Variants in TTLL5 observed in about 807,000 individuals in gnomAD.
The protein encoded by TTLL5 is tubulin polyglutamylase TTLL5.
TTLL5 carries 132 observed loss-of-function variants against 168.4 expected under a neutral mutation model. The ratio of observed to expected loss-of-function variants is 0.78; its 90% confidence interval spans 0.68 to 0.91. The LOEUF is 0.91. TTLL5 is among the 40% of genes least tolerant of loss of function. The pLI, the probability that TTLL5 is intolerant of heterozygous loss-of-function variation, is 0.00. For synonymous variants in TTLL5, 546 were observed against 558.6 expected (o/e 0.98, Z 0.32); for missense variants, 1,545 against 1,581.5 (o/e 0.98, Z 0.39).
At chr14:75,867,400 C>T (rs895697892) in intron 29 of TTLL5, among the ~76,000 whole-genome samples, 19 of 152,100 alleles carry the variant, frequency 1.2e-4, no homozygotes, top group African/African-American at 4.6e-4. Context: ...TAATAATAGC[C>T]ACCACTTAAG....
intron 6 of TTLL5, among the ~76,000 whole-genome samples, chr14:75,691,767 C>T (rs923692090): frequency 3.3e-5 from 5 of 152,180 alleles, no homozygotes; most frequent in East Asian, 1.9e-4. Flanking sequence ...TATGGATAGA[C>T]GAAGTAGCAT....
intron 28 of TTLL5, among the ~76,000 whole-genome samples, chr14:75,862,755 A>G (rs1256684297): frequency 6.6e-6 from 1 of 152,032 alleles, no homozygotes; most frequent in Non-Finnish European, 1.5e-5. Flanking sequence ...AGTCAGGGCA[A>G]CATGGTTAAA....
chr14:75,699,127 A>C (rs1886078618), intron 6 of TTLL5, 61 bp from the exon 7 acceptor site: 10 of 1,464,006 alleles, frequency 6.8e-6, no homozygotes, highest in African/African-American at 1.4e-5. Context: ...TGATATAATA[A>C]ACTCAAGTTC....
chr14:75,941,232 A>G (rs983204316), intron 31 of TTLL5, among the ~76,000 whole-genome samples: 9 of 152,186 alleles, frequency 5.9e-5, no homozygotes, highest in African/African-American at 2.2e-4. Context: ...CGCCTTTGTG[A>G]CAACCCAGGC....
intron 31 of TTLL5, among the ~76,000 whole-genome samples, chr14:75,907,731 G>A (rs2033201548): frequency 6.6e-6 from 1 of 152,210 alleles, no homozygotes; most frequent in Non-Finnish European, 1.5e-5. Flanking sequence ...AACAACCAGA[G>A]TTCTTTTGGT....
rs1891925843 is a variant in TTLL5, at chr14:75,779,619, A to G, written c.2432A>G (p.Asn811Ser). ...GTGTTGACTTTTTATACCCAAAAGA[A>G]CAAGTCTGCTAGTGTCTTCCTGGGG... is the stretch of plus-strand genomic sequence containing the variant. The part of the protein sequence containing the change: ...EEVLTFYTQK[N>S]KSASVFLGTH... The change falls in exon 24 of 32, where the codon AAC (asparagine) becomes AGC (serine). Residue 811 changes from asparagine (N) to serine (S), a missense_variant. Physicochemically the swap from Asn to Ser is conservative, Grantham distance 46. Coordinates refer to ENST00000298832, the MANE Select transcript of TTLL5 (RefSeq NM_015072.5). The G allele has an allele frequency of 1.2e-6, 2 of 1,613,870 alleles. No individual in the cohort carries two copies. Among genetic ancestry groups the G allele is most frequent in the African/African-American group, 1.3e-5 (1 of 75,046 alleles).
intron 12 of TTLL5, among the ~76,000 whole-genome samples, chr14:75,731,888 G>A (rs1465829175): frequency 6.6e-6 from 1 of 152,118 alleles, no homozygotes; most frequent in Non-Finnish European, 1.5e-5. Context: ...AATGCCTTCA[G>A]GAGATGTTTC....
At position 75,863,856 on chromosome 14, in the gene TTLL5, G is replaced by A. The variant is rs774880529; in HGVS notation, c.3516G>A (p.Arg1172=). The A allele has an allele frequency of 1.4e-6, 2 of 1,462,214 alleles. No individual in the cohort carries two copies. Among genetic ancestry groups the A allele is most frequent in the South Asian group, 1.1e-5 (1 of 87,872 alleles). The allele number at this position is 1,462,214 out of a possible 1,614,324, so 90.6% of individuals were successfully genotyped here. A position where few individuals can be genotyped will look rare whatever the true frequency, so the allele number is the denominator to read the frequency against. ...AGCTCCTGGACCAGAGTCGAGCCCG[G>A]CACCAGGTAATTCAAGATAAGTCTT... ...SRQLLDQSRA[R]HQAIFGSQTL... is the part of the protein sequence containing the mutation. The change falls in exon 29 of 32, where the codon CGG becomes CGA. Residue 1172 remains arginine (R), a synonymous_variant. Transcript: ENST00000298832.
chr14:75,769,312 G>C (rs560007789), intron 20 of TTLL5, among the ~76,000 whole-genome samples: 1 of 152,226 alleles, frequency 6.6e-6, no homozygotes, highest in East Asian at 1.9e-4. Context: ...CACAGCCAGG[G>C]TTCAAAACTC....
intron 3 of TTLL5, among the ~76,000 whole-genome samples, chr14:75,671,344 A>T (rs375194153): frequency 2.0e-5 from 3 of 152,302 alleles, no homozygotes; most frequent in African/African-American, 7.2e-5. Context: ...AAGTCCTCTA[A>T]TATAGTTCTT....
chr14:75,822,273 G>A (rs909406893), intron 28 of TTLL5, among the ~76,000 whole-genome samples: 2 of 152,176 alleles, frequency 1.3e-5, no homozygotes, highest in Non-Finnish European at 2.9e-5. Context: ...GTAGCTTAGA[G>A]ATCTGAGTTT....
chr14:75,787,493 T>C lies in TTLL5; in HGVS notation c.2986+3963T>C, dbSNP rs147700043. 4.5e-3 allele frequency among the ~76,000 whole-genome samples: 683 copies of C among 152,264 alleles called. 8 individuals are homozygous for C. The highest frequency in any genetic ancestry group is 6.2e-3 in the Non-Finnish European group (419 of 68,014). On this transcript the variant is annotated intron_variant, in intron 26 of 31. Coordinates refer to ENST00000298832, the MANE Select transcript of TTLL5 (RefSeq NM_015072.5). ...AGTGTCTGCACCTCATAAAATAGCC[T>C]CCAAATATGTAACACAAAAATGGAA...
intron 28 of TTLL5, among the ~76,000 whole-genome samples, chr14:75,858,568 T>A (rs773901005): frequency 1.3e-5 from 2 of 152,180 alleles, no homozygotes; most frequent in Non-Finnish European, 2.9e-5. Context: ...GTTATTTGGA[T>A]TTGGATATTT....
chr14:75,832,588 G>T (rs1187186765), intron 28 of TTLL5, among the ~76,000 whole-genome samples: 1 of 152,174 alleles, frequency 6.6e-6, no homozygotes, highest in Non-Finnish European at 1.5e-5. Context: ...GGATTGTCAT[G>T]GGAATTCGAT....
At chr14:75,948,784 G>A (rs2034859843) in intron 31 of TTLL5, among the ~76,000 whole-genome samples, 1 of 152,166 alleles carries the variant, frequency 6.6e-6, no homozygotes, top group African/African-American at 2.4e-5. Context: ...CAGATTGTAG[G>A]AAGATACTGT....
At chr14:75,738,131 A>T (rs979053867) in intron 15 of TTLL5, among the ~76,000 whole-genome samples, 3 of 152,222 alleles carry the variant, frequency 2.0e-5, no homozygotes, top group Non-Finnish European at 4.4e-5. Flanking sequence ...TACCTTTGAA[A>T]TACAAACATC....
At chr14:75,716,386 G>C (rs1887462796) in intron 9 of TTLL5, among the ~76,000 whole-genome samples, 1 of 151,918 alleles carries the variant, frequency 6.6e-6, no homozygotes, top group South Asian at 2.1e-4. Context: ...TTTGGGTTTG[G>C]GGTTTTTTTT....
At chr14:75,675,519 C>G (rs989503594) in intron 3 of TTLL5, among the ~76,000 whole-genome samples, 1 of 152,148 alleles carries the variant, frequency 6.6e-6, no homozygotes, top group Non-Finnish European at 1.5e-5. Flanking sequence ...AGAGGAAATT[C>G]TGTGGTCTCT....
At chr14:75,831,521 C>T (rs990757511) in intron 28 of TTLL5, among the ~76,000 whole-genome samples, 1 of 152,184 alleles carries the variant, frequency 6.6e-6, no homozygotes, top group African/African-American at 2.4e-5. Flanking sequence ...CAGCCACCGC[C>T]ACCCCCACCT....
Sources: gnomAD v4.1 joint callset for allele counts (sites outside exome capture counted in the v4.1 genomes callset) on GRCh38, gnomAD v4.1.1 for gene constraint, MANE v1.5 for transcripts, NCBI Gene and HGNC (gene_info 2026-07-23, HGNC 2026-07-21) for gene names.